The following RMI2 variants were observed in gnomAD, a reference collection of about 807,000 sequenced individuals.
RMI2 encodes recQ-mediated genome instability protein 2.
A neutral mutation model predicts 8.4 loss-of-function variants in RMI2; 11 were observed. The ratio of observed to expected loss-of-function variants is 1.32; its 90% confidence interval spans 0.83 to 2.18. The LOEUF (loss-of-function observed/expected upper bound fraction) is 2.18. Among genes scored for constraint, RMI2 ranks in the 30% most tolerant of loss-of-function variants. RMI2 has a pLI of 0.00. For missense variants in RMI2, 253 were observed against 207.5 expected, an observed-to-expected ratio of 1.22 and a Z score of -1.35; for synonymous variants, 105 against 93.8, an observed-to-expected ratio of 1.12 and a Z score of -0.69.
At position 11,345,707 on chromosome 16, in the gene RMI2, G is replaced by A. The variant is rs1009593240; in HGVS notation, c.236G>A (p.Gly79Glu). Residue 79 changes from glycine (G) to glutamate (E), a missense_variant, in exon 1 of 2, where the codon GGG becomes GAG. Gly to Glu is a moderately conservative substitution (Grantham distance 98, BLOSUM62 -2). Transcript: ENST00000312499. ...GAGGCTCGGCTGAGGGACCCGAGCG[G>A]GGACTTCTCGGTCCGCGGCCTGGAG... The part of the protein sequence containing the change: ...RGEARLRDPS[G>E]DFSVRGLERV... 7.9e-7 allele frequency: 1 copy of A among 1,258,368 alleles called. No homozygotes were observed. The highest frequency in any genetic ancestry group is 1.5e-5 in the African/African-American group (1 of 65,572). The allele number at this position is 1,258,368 out of a possible 1,614,324, so 78.0% of individuals were successfully genotyped here. A position where few individuals can be genotyped will look rare whatever the true frequency, so the allele number is the denominator to read the frequency against.
chr16:11,351,592 G>C lies in RMI2; in HGVS notation c.*802G>C, dbSNP rs899101073. 4.3e-5 allele frequency: 10 copies of C among 232,002 alleles called. No homozygotes were observed. The highest frequency in any genetic ancestry group is 6.0e-5 in the Non-Finnish European group (7 of 117,426). 14.4% of individuals were successfully genotyped at this position (232,002 alleles called of 1,614,324 possible). ...GAGTTCTTTTGTCTTTGTATGGAAT[G>C]ACTTTTTGCTGTGATGGTTTTGAAT... On this transcript the variant is annotated 3_prime_UTR_variant, in exon 2 of 2. Coordinates refer to ENST00000312499, the MANE Select transcript of RMI2 (RefSeq NM_152308.3).
intron 1 of RMI2, among the ~76,000 whole-genome samples, chr16:11,347,758 A>C (rs1266761747): frequency 1.3e-5 from 2 of 152,146 alleles, no homozygotes; most frequent in Non-Finnish European, 2.9e-5. Context: ...TGCGAACTAA[A>C]AATGCTTTTA....
chr16:11,347,803 CAG>C (rs1567492609), intron 1 of RMI2, among the ~76,000 whole-genome samples: 2 of 152,190 alleles, frequency 1.3e-5, no homozygotes, highest in Admixed American at 6.5e-5. Context: ...ATTTTTGAGA[CAG>C]AATCTCGCTC....
chr16:11,350,237 C>T (rs1024022660), intron 1 of RMI2, among the ~76,000 whole-genome samples: 1 of 152,202 alleles, frequency 6.6e-6, no homozygotes, highest in African/African-American at 2.4e-5. Flanking sequence ...GCGTCTCCTC[C>T]ATTCCTTGGG....
intron 1 of RMI2, chr16:11,348,695 G>T (rs1243188363): frequency 1.3e-5 from 2 of 152,332 alleles, no homozygotes; most frequent in Non-Finnish European, 2.9e-5. Flanking sequence ...GGAAGAGGCA[G>T]CCCTGAAGGA....
chr16:11,345,675 C>T lies in RMI2; in HGVS notation c.204C>T (p.Asp68=). ...VWMQGRVVMA[D]RGEARLRDPS... ...TGCAGGGCAGGGTAGTGATGGCGGA[C>T]CGCGGCGAGGCTCGGCTGAGGGACC... is the stretch of plus-strand genomic sequence containing the variant. Residue 68 remains aspartate (D), a synonymous_variant, in exon 1 of 2, where the codon GAC becomes GAT. Coordinates refer to ENST00000312499, the MANE Select transcript of RMI2 (RefSeq NM_152308.3). 1.6e-6 allele frequency: 2 copies of T among 1,271,474 alleles called. No homozygotes were observed. The highest frequency in any genetic ancestry group is 2.0e-6 in the Non-Finnish European group (2 of 1,010,328). The allele number at this position is 1,271,474 out of a possible 1,614,324, so 78.8% of individuals were successfully genotyped here.
chr16:11,349,791 C>T lies in RMI2; in HGVS notation c.296-851C>T, dbSNP rs2070939221. On this transcript the variant is annotated intron_variant, in intron 1 of 1. Coordinates refer to ENST00000312499, the MANE Select transcript of RMI2 (RefSeq NM_152308.3). The surrounding 1 kb of genome is among the most constrained non-coding windows in gnomAD (Gnocchi z 4.2). Reference sequence around the variant, plus strand: ...GCAGCAGGGCTGGCACCGGGCCTGTCCTTCCTGCAGCATTTGGAGTTTTCT... The same window carrying T: ...GCAGCAGGGCTGGCACCGGGCCTGTTCTTCCTGCAGCATTTGGAGTTTTCT... 6.6e-6 allele frequency among the ~76,000 whole-genome samples: 1 copy of T among 152,208 alleles called. No homozygotes were observed. Among genetic ancestry groups the T allele is most frequent in the South Asian group, 2.1e-4 (1 of 4,834 alleles).
In RMI2 at chr16:11,349,744, C is replaced by G. The variant is rs1597760046; in HGVS notation, c.296-898C>G. On this transcript the variant is annotated intron_variant, in intron 1 of 1. Transcript: ENST00000312499. This position sits in a 1 kb window ranked among gnomAD's most constrained non-coding sequence, Gnocchi z 4.2. The stretch of plus-strand genomic sequence containing the variant: ...AAAGCCCCAGGCCCCACGTGCAGTG[C>G]AATGAAAGCCTCACGGGGCAGGCAG... 1.3e-5 allele frequency among the ~76,000 whole-genome samples: 2 copies of G among 152,330 alleles called. No individual in the cohort carries two copies. The highest frequency in any genetic ancestry group is 4.1e-4 in the South Asian group (2 of 4,826).
chr16:11,346,251 CTCTCTTTTTT>C (rs1387864748), intron 1 of RMI2, among the ~76,000 whole-genome samples: 2 of 134,126 alleles, frequency 1.5e-5, no homozygotes. Flanking sequence ...TGTTTGCCTC[CTCTCTTTTTT>C]TTTTTTTTTT....
At chr16:11,345,996 C>A (rs1032469708) in intron 1 of RMI2, among the ~76,000 whole-genome samples, 15 of 152,232 alleles carry the variant, frequency 9.9e-5, no homozygotes, top group Admixed American at 7.2e-4. Flanking sequence ...AATACAGATT[C>A]CTGGGACTCT....
rs1040845963 is a variant in RMI2, at chr16:11,349,827, C to T, written c.296-815C>T. Among the ~76,000 whole-genome samples the T allele has an allele frequency of 3.9e-5, 6 of 152,318 alleles. No homozygotes were observed. In the South Asian group the frequency reaches 6.2e-4, roughly 16 times the overall value. On this transcript the variant is annotated intron_variant, in intron 1 of 1. Coordinates refer to ENST00000312499, the MANE Select transcript of RMI2 (RefSeq NM_152308.3). This position sits in a 1 kb window ranked among gnomAD's most constrained non-coding sequence, Gnocchi z 4.2. The stretch of plus-strand genomic sequence containing the variant: ...CATTTGGAGTTTTCTTTTACACAAT[C>T]GGGTTTTATGTGGTTGAGACTGGCC...
chr16:11,346,798 G>C (rs918634685), intron 1 of RMI2, among the ~76,000 whole-genome samples: 6 of 152,130 alleles, frequency 3.9e-5, no homozygotes, highest in Non-Finnish European at 2.9e-5. Context: ...GGGACTCACC[G>C]TGTTGCCCAG....
At chr16:11,347,252 C>G (rs1269409668) in intron 1 of RMI2, among the ~76,000 whole-genome samples, 1 of 152,184 alleles carries the variant, frequency 6.6e-6, no homozygotes, top group African/African-American at 2.4e-5. Flanking sequence ...GATGTGAGGT[C>G]TAAGCTGAGG....
At chr16:11,345,903 G>A (rs1284357855) in intron 1 of RMI2, 137 bp downstream of exon 1, 2 of 648,756 alleles carry the variant, frequency 3.1e-6, no homozygotes, top group Middle Eastern at 4.7e-4. Context: ...TGCCCCTGCG[G>A]GTCCCCGCTT....
In RMI2 at chr16:11,350,980, C is replaced by G. The variant is rs2070963961; in HGVS notation, c.*190C>G. The G allele has an allele frequency of 2.2e-6, 1 of 455,852 alleles. No individual in the cohort carries two copies. Among genetic ancestry groups the G allele is most frequent in the Non-Finnish European group, 3.9e-6 (1 of 259,220 alleles). 28.2% of individuals were successfully genotyped at this position (455,852 alleles called of 1,614,324 possible). A position where few individuals can be genotyped will look rare whatever the true frequency, so the allele number is the denominator to read the frequency against. ...CTCGGATACTTCAGTGACACAGCCT[C>G]TGCTGCCCCTTGCTTTGCCTGTGTT... On this transcript the variant is annotated 3_prime_UTR_variant, in exon 2 of 2. Transcript: ENST00000312499.
At chr16:11,346,105 C>T (rs1204297092) in intron 1 of RMI2, among the ~76,000 whole-genome samples, 2 of 152,192 alleles carry the variant, frequency 1.3e-5, no homozygotes, top group Non-Finnish European at 2.9e-5. Context: ...GAAATACTGT[C>T]CTGGGAAACT....
At position 11,345,649 on chromosome 16, in the gene RMI2, A is replaced by T. The variant is rs754292245; in HGVS notation, c.178A>T (p.Met60Leu). Residue 60 changes from methionine (M) to leucine (L), a missense_variant, in exon 1 of 2, where the codon ATG becomes TTG. Met to Leu is a conservative substitution (Grantham distance 15). Coordinates refer to ENST00000312499, the MANE Select transcript of RMI2 (RefSeq NM_152308.3). Reference protein sequence around the residue: ...RGPLDLAAVWMQGRVVMADRG... With the variant: ...RGPLDLAAVWLQGRVVMADRG... ...GCCGCTGGACCTGGCGGCCGTGTGGATGCAGGGCAGGGTAGTGATGGCGGA... is the reference window on the plus strand; with the variant it reads ...GCCGCTGGACCTGGCGGCCGTGTGGTTGCAGGGCAGGGTAGTGATGGCGGA... 2 of 1,268,252 alleles carry T rather than the reference A, an allele frequency of 1.6e-6. No individual in the cohort carries two copies. The highest frequency in any genetic ancestry group is 3.4e-5 in the Admixed American group (1 of 29,234). The allele number at this position is 1,268,252 out of a possible 1,614,324, so 78.6% of individuals were successfully genotyped here.
chr16:11,350,447 A>G lies in RMI2; in HGVS notation c.296-195A>G, dbSNP rs113532872. ...TCTACTAAACATACAAAAATTAGCC[A>G]GGCATAGTGGCAGGCACCTGTAATC... is the stretch of plus-strand genomic sequence containing the variant. On this transcript the variant is annotated intron_variant, in intron 1 of 1. Transcript: ENST00000312499. Among the ~76,000 whole-genome samples the G allele has an allele frequency of 1.2e-3, 181 of 152,274 alleles. 2 individuals are homozygous for G. The highest frequency in any genetic ancestry group is 4.1e-3 in the African/African-American group (172 of 41,544).
intron 1 of RMI2, among the ~76,000 whole-genome samples, chr16:11,346,811 T>TGGCC (rs1245368846): frequency 6.6e-6 from 1 of 152,228 alleles, no homozygotes; most frequent in Admixed American, 6.5e-5. Context: ...TTGCCCAGGC[T>TGGCC]GGCCCTGAGC....
Sources: gnomAD v4.1 joint callset for allele counts (sites outside exome capture counted in the v4.1 genomes callset) on GRCh38, gnomAD v4.1.1 for gene constraint, Gnocchi (gnomAD v3.1) non-coding constraint, MANE v1.5 for transcripts, NCBI Gene and HGNC (gene_info 2026-07-23, HGNC 2026-07-21) for gene names.